The following CAMKMT variants were observed in gnomAD, a reference collection of about 807,000 sequenced individuals.
The protein encoded by CAMKMT is CaM KMT.
In CAMKMT, 53 loss-of-function variants were observed where a neutral mutation model predicts 48.0. The observed-to-expected ratio is 1.10, with a 90% CI of 0.89 to 1.39. CAMKMT has a LOEUF of 1.39. Ranked by LOEUF, CAMKMT falls within the 40% of genes most tolerant of loss-of-function variation. CAMKMT has a pLI of 0.00. For synonymous variants in CAMKMT, 165 were observed against 152.3 expected, an observed-to-expected ratio of 1.08 and a Z score of -0.61; for missense variants, 428 against 402.7, an observed-to-expected ratio of 1.06 and a Z score of -0.54.
At chr2:44,480,976 G>A (rs1022780943) in intron 3 of CAMKMT, among the ~76,000 whole-genome samples, 1 of 151,918 alleles carries the variant, frequency 6.6e-6, no homozygotes, top group Non-Finnish European at 1.5e-5. Flanking sequence ...GGAGATACAT[G>A]CCTATACTTT....
At chr2:44,611,899 A>C (rs1671620206) in intron 3 of CAMKMT, among the ~76,000 whole-genome samples, 1 of 152,060 alleles carries the variant, frequency 6.6e-6, no homozygotes. Flanking sequence ...GTGTGAACTC[A>C]GAGCAAGAGC....
intron 3 of CAMKMT, among the ~76,000 whole-genome samples, chr2:44,670,915 C>T (rs1394161183): frequency 6.6e-6 from 1 of 152,134 alleles, no homozygotes; most frequent in Non-Finnish European, 1.5e-5. Flanking sequence ...AAATATAATC[C>T]ACCTCTTCTG....
intron 3 of CAMKMT, among the ~76,000 whole-genome samples, chr2:44,644,078 A>T (rs1403352737): frequency 6.6e-6 from 1 of 152,198 alleles, no homozygotes; most frequent in East Asian, 1.9e-4. Context: ...TTTAACTAAC[A>T]TGACTATGAT....
chr2:44,546,154 GACACACACACACACACAC>G (rs4039614), intron 3 of CAMKMT, among the ~76,000 whole-genome samples: 211 of 129,168 alleles, frequency 1.6e-3, no homozygotes, highest in South Asian at 8.0e-3. Context: ...AGACTGCTAG[GACACACACACACACACAC>G]ACACACACAC....
chr2:44,763,780 C>A (rs960007970), intron 9 of CAMKMT, among the ~76,000 whole-genome samples: 3 of 152,192 alleles, frequency 2.0e-5, no homozygotes, highest in Non-Finnish European at 4.4e-5. Flanking sequence ...TTACAGCTTA[C>A]CCCAACCAGG....
intron 3 of CAMKMT, among the ~76,000 whole-genome samples, chr2:44,669,323 A>G (rs1271815118): frequency 2.0e-5 from 3 of 152,106 alleles, no homozygotes; most frequent in Admixed American, 6.6e-5. Context: ...TTTCCAGTGT[A>G]TTGTTGATGG....
intron 3 of CAMKMT, chr2:44,549,495 C>A (rs921825000): frequency 2.9e-6 from 2 of 691,312 alleles, no homozygotes; most frequent in African/African-American, 3.5e-5. Flanking sequence ...GAACTGAAAA[C>A]CACAATTACT....
At chr2:44,588,270 GTCTCCGCCC>G (rs1670008415) in intron 3 of CAMKMT, among the ~76,000 whole-genome samples, 1 of 34,940 alleles carries the variant, frequency 2.9e-5, no homozygotes, top group African/African-American at 9.8e-5. Flanking sequence ...AGTGAGGAGC[GTCTCCGCCC>G]GGCAGCCACC....
intron 3 of CAMKMT, among the ~76,000 whole-genome samples, chr2:44,412,119 A>T (rs1397701946): frequency 1.3e-5 from 2 of 151,694 alleles, no homozygotes; most frequent in African/African-American, 4.8e-5. Flanking sequence ...AACCACAAGG[A>T]GATGGAACTG....
Position 44,766,681 on chromosome 2 carries a change from T to C in CAMKMT, c.894+120T>C, listed in dbSNP as rs1680855648. On this transcript the variant is annotated intron_variant, in intron 10 of 10. Coordinates refer to ENST00000378494, the MANE Select transcript of CAMKMT (RefSeq NM_024766.5). The stretch of plus-strand genomic sequence containing the variant: ...AAGTACTCCTTAGATGTGTTGCTTC[T>C]GAACAGCTATTTGTATCTGATTATT... 7.9e-6 allele frequency: 8 copies of C among 1,016,876 alleles called. No individual in the cohort carries two copies. The South Asian group carries it at 1.3e-4, about 16-fold the overall frequency. 63.0% of individuals were successfully genotyped at this position (1,016,876 alleles called of 1,614,324 possible). A position where few individuals can be genotyped will look rare whatever the true frequency, so the allele number is the denominator to read the frequency against.
chr2:44,737,885 T>G (rs1471417111), intron 7 of CAMKMT, among the ~76,000 whole-genome samples: 1 of 121,376 alleles, frequency 8.2e-6, no homozygotes, highest in African/African-American at 3.4e-5. Flanking sequence ...TGAGATGGAG[T>G]CTCGCTGTTA....
chr2:44,494,983 C>T (rs1335879695), intron 3 of CAMKMT, among the ~76,000 whole-genome samples: 1 of 152,108 alleles, frequency 6.6e-6, no homozygotes, highest in Non-Finnish European at 1.5e-5. Flanking sequence ...AGTAGTTGCT[C>T]AGGAAGTATC....
intron 3 of CAMKMT, chr2:44,631,576 G>C: frequency 1.8e-6 from 1 of 561,078 alleles, no homozygotes; most frequent in Non-Finnish European, 3.1e-6. Flanking sequence ...AGTGTGATTA[G>C]TAGCATGAGC....
At chr2:44,386,222 G>A (rs1034806281) in intron 2 of CAMKMT, among the ~76,000 whole-genome samples, 1 of 151,882 alleles carries the variant, frequency 6.6e-6, no homozygotes, top group Non-Finnish European at 1.5e-5. Context: ...GTGCCTCAGG[G>A]TATCTAATTT....
intron 3 of CAMKMT, among the ~76,000 whole-genome samples, chr2:44,585,166 G>C (rs1669789695): frequency 6.6e-6 from 1 of 152,054 alleles, no homozygotes; most frequent in South Asian, 2.1e-4. Flanking sequence ...AGTTAATTTT[G>C]ATACCTTTAA....
At chr2:44,695,133 A>G (rs1160559659) in intron 3 of CAMKMT, among the ~76,000 whole-genome samples, 3 of 152,232 alleles carry the variant, frequency 2.0e-5, no homozygotes, top group African/African-American at 7.2e-5. Context: ...ATGTAGCAGA[A>G]GTGCTATAAT....
intron 5 of CAMKMT, 73 bp downstream of exon 5, chr2:44,706,414 G>A: frequency 6.8e-7 from 1 of 1,468,352 alleles, no homozygotes. Context: ...GCCTCCAACT[G>A]CTGGGTCAGA....
intron 3 of CAMKMT, among the ~76,000 whole-genome samples, chr2:44,425,731 C>CT (rs748393973): frequency 1.4e-3 from 200 of 143,506 alleles, no homozygotes; most frequent in East Asian, 2.2e-3. Flanking sequence ...AGTATTCTAT[C>CT]TTTTTTTTTT....
intron 3 of CAMKMT, among the ~76,000 whole-genome samples, chr2:44,541,823 G>A (rs1488618376): frequency 6.7e-6 from 1 of 150,032 alleles, no homozygotes; most frequent in Non-Finnish European, 1.5e-5. Context: ...TATTACTTCA[G>A]AAAAGCTGTA....
Sources: allele counts gnomAD v4.1 joint callset (sites outside exome capture counted in the v4.1 genomes callset), GRCh38; gene constraint gnomAD v4.1.1; transcripts MANE v1.5; gene names NCBI Gene and HGNC (gene_info 2026-07-23, HGNC 2026-07-21).